Variants in WBP2NL observed in about 807,000 individuals in gnomAD.
WBP2NL encodes the protein postacrosomal sheath WW domain-binding protein.
Under a neutral mutation model 23.3 loss-of-function variants are expected in WBP2NL, and 27 were observed. The observed-to-expected ratio is 1.16, with a 90% CI of 0.85 to 1.60. WBP2NL has a LOEUF of 1.60. WBP2NL is among the 40% of genes most tolerant of loss of function. The probability of loss-of-function intolerance (pLI) is 0.00; values close to 1 mark genes in which losing one functional copy is unlikely to be tolerated. For missense variants in WBP2NL, 370 were observed against 389.5 expected (o/e 0.95, Z 0.42); for synonymous variants, 151 against 145.9 (o/e 1.03, Z -0.25).
intron 1 of WBP2NL, 23 bp downstream of exon 1, chr22:41,998,903 T>A (rs765232312): frequency 6.2e-7 from 1 of 1,601,530 alleles, no homozygotes; most frequent in East Asian, 2.2e-5. Flanking sequence ...AAGCACGGCG[T>A]GCTGTCGGAG....
chr22:42,046,950 T>C (rs1401170248), intron 8 of WBP2NL, among the ~76,000 whole-genome samples: 2 of 152,186 alleles, frequency 1.3e-5, no homozygotes, highest in Admixed American at 1.3e-4. Context: ...GTTTAGACTT[T>C]TCAGGTATCT....
At chr22:42,044,989 T>G (rs886830319) in intron 8 of WBP2NL, among the ~76,000 whole-genome samples, 2 of 151,812 alleles carry the variant, frequency 1.3e-5, no homozygotes, top group Non-Finnish European at 2.9e-5. Flanking sequence ...TTTTTTTTCT[T>G]TATTTATTTT....
At chr22:42,020,906 ATATTT>A (rs1923906601) in intron 4 of WBP2NL, among the ~76,000 whole-genome samples, 2 of 21,146 alleles carry the variant, frequency 9.5e-5, no homozygotes, top group Non-Finnish European at 1.5e-4. Flanking sequence ...ATATATATAT[ATATTT>A]TTTTTTTTTT....
chr22:42,004,445 A>G lies in WBP2NL; in HGVS notation c.62+5565A>G, dbSNP rs561503221. On this transcript the variant is annotated intron_variant, in intron 1 of 5. Coordinates refer to ENST00000328823, the MANE Select transcript of WBP2NL (RefSeq NM_152613.3). ...CCTATCTCTACTAAAAATACAAAAA[A>G]TAGTTGGATGTGGTGGCATGTGCCT... Among the ~76,000 whole-genome samples the G allele has an allele frequency of 4.5e-4, 69 of 151,976 alleles. No individual in the cohort carries two copies. The South Asian group carries it at 0.014, about 32-fold the overall frequency.
At chr22:42,022,424 C>G in intron 5 of WBP2NL, 68 bp downstream of exon 5, 2 of 1,356,930 alleles carry the variant, frequency 1.5e-6, no homozygotes, top group Non-Finnish European at 2.0e-6. Context: ...AGATCTATCC[C>G]TTGCAGGCTT....
At chr22:42,016,687 T>G (rs1923337361) in intron 1 of WBP2NL, among the ~76,000 whole-genome samples, 1 of 152,234 alleles carries the variant, frequency 6.6e-6, no homozygotes, top group Non-Finnish European at 1.5e-5. Flanking sequence ...CATTTAAAGA[T>G]TCCCATTCCA....
intron 8 of WBP2NL, among the ~76,000 whole-genome samples, chr22:42,055,291 C>G (rs1925990248): frequency 6.6e-6 from 1 of 152,196 alleles, no homozygotes; most frequent in Non-Finnish European, 1.5e-5. Context: ...TTTTCCGCCT[C>G]AGCCTCCAGA....
intron 8 of WBP2NL, among the ~76,000 whole-genome samples, chr22:42,041,707 T>C (rs1925405739): frequency 6.6e-6 from 1 of 152,164 alleles, no homozygotes; most frequent in Non-Finnish European, 1.5e-5. Context: ...TTTTTCAACT[T>C]TTGTAGTGTT....
chr22:42,050,678 A>G (rs1925808432), intron 8 of WBP2NL, among the ~76,000 whole-genome samples: 1 of 151,866 alleles, frequency 6.6e-6, no homozygotes, highest in South Asian at 2.1e-4. Context: ...AAAACTAATT[A>G]AAAAATGGAT....
intron 1 of WBP2NL, among the ~76,000 whole-genome samples, chr22:42,006,221 CTTT>C (rs58669161): frequency 2.2e-5 from 3 of 139,508 alleles, no homozygotes; most frequent in African/African-American, 2.7e-5. Context: ...GTTTCCCAAT[CTTT>C]TTTTTTTTTT....
intron 1 of WBP2NL, among the ~76,000 whole-genome samples, chr22:42,007,705 C>G (rs890143074): frequency 3.3e-5 from 5 of 152,278 alleles, no homozygotes; most frequent in Admixed American, 6.5e-5. Context: ...CCTCAAGGTT[C>G]GTCCATGTTA....
At chr22:42,052,305 T>TG (rs1925864638) in intron 8 of WBP2NL, among the ~76,000 whole-genome samples, 1 of 152,120 alleles carries the variant, frequency 6.6e-6, no homozygotes, top group African/African-American at 2.4e-5. Flanking sequence ...TTTTTTGAGA[T>TG]GGAGTCTGGC....
downstream of WBP2NL, among the ~76,000 whole-genome samples, chr22:42,036,543 C>T (rs917176294): frequency 6.6e-6 from 1 of 152,202 alleles, no homozygotes; most frequent in South Asian, 2.1e-4. Flanking sequence ...ATGTATATTC[C>T]TAACAGCAGT....
At chr22:42,003,668 G>T (rs931960299) in intron 1 of WBP2NL, among the ~76,000 whole-genome samples, 1 of 152,080 alleles carries the variant, frequency 6.6e-6, no homozygotes. Flanking sequence ...TCTTCAAAAA[G>T]ATCATGGAAA....
At chr22:42,048,470 C>T (rs1299675600) in intron 8 of WBP2NL, among the ~76,000 whole-genome samples, 2 of 151,246 alleles carry the variant, frequency 1.3e-5, no homozygotes, top group Non-Finnish European at 2.9e-5. Context: ...TAAAAAGCCT[C>T]AGCAGGCCGG....
chr22:42,042,039 C>T (rs538896533), intron 8 of WBP2NL, among the ~76,000 whole-genome samples: 1 of 152,208 alleles, frequency 6.6e-6, no homozygotes, highest in East Asian at 1.9e-4. Context: ...GAGAAATCTG[C>T]TGATAGTCTC....
At chr22:42,035,627 T>C (rs946249048), downstream of WBP2NL, among the ~76,000 whole-genome samples, 1 of 152,254 alleles carries the variant, frequency 6.6e-6, no homozygotes, top group Non-Finnish European at 1.5e-5. Flanking sequence ...GGTGAATCAC[T>C]TTTTTGTCTC....
At chr22:42,054,454 G>T (rs991244624) in intron 8 of WBP2NL, among the ~76,000 whole-genome samples, 1 of 151,580 alleles carries the variant, frequency 6.6e-6, no homozygotes. Flanking sequence ...GCCTCCCAAA[G>T]TGCTGGGATT....
intron 1 of WBP2NL, among the ~76,000 whole-genome samples, chr22:42,012,884 C>T (rs886411571): frequency 6.6e-6 from 1 of 150,948 alleles, no homozygotes; most frequent in East Asian, 2.0e-4. Flanking sequence ...CCCAGCTACT[C>T]AGGAGGCTGA....
Sources: allele counts gnomAD v4.1 joint callset (sites outside exome capture counted in the v4.1 genomes callset), GRCh38; gene constraint gnomAD v4.1.1; transcripts MANE v1.5; gene names NCBI Gene and HGNC (gene_info 2026-07-23, HGNC 2026-07-21).